The following PDLIM1 variants were observed in gnomAD, a reference collection of about 807,000 sequenced individuals.
PDLIM1 encodes PDZ and LIM domain protein 1.
A neutral mutation model predicts 35.2 loss-of-function variants in PDLIM1; 25 were observed. The observed-to-expected ratio is 0.71, with a 90% CI of 0.52 to 0.99. The LOEUF (loss-of-function observed/expected upper bound fraction) is 0.99, where lower values mean the gene tolerates loss of function less well. Ranked by LOEUF, PDLIM1 falls within the 50% of genes least tolerant of loss-of-function variation. PDLIM1 has a pLI of 0.00. For synonymous variants in PDLIM1, 152 were observed against 154.0 expected, an observed-to-expected ratio of 0.99 and a Z score of 0.10; for missense variants, 363 against 415.3, an observed-to-expected ratio of 0.87 and a Z score of 1.09.
intron 4 of PDLIM1, among the ~76,000 whole-genome samples, chr10:95,252,544 C>T (rs1269340114): frequency 1.3e-5 from 2 of 152,122 alleles, no homozygotes; most frequent in African/African-American, 2.4e-5. Flanking sequence ...AGATCTCAAA[C>T]TGTAAATAAG....
In PDLIM1 at chr10:95,253,929, G is replaced by A. The variant is rs1276712576; in HGVS notation, c.534-6563C>T. On this transcript the variant is annotated intron_variant, in intron 4 of 6. Transcript: ENST00000329399. ...TGAAATGATGACGCCAGTAAACTGT[G>A]ATAAGTTATATATACACAATGTAAT... Among the ~76,000 whole-genome samples, 3 of 152,136 alleles carry A rather than the reference G, an allele frequency of 2.0e-5. No homozygotes were observed. The East Asian group carries it at 5.8e-4, about 29-fold the overall frequency.
intron 1 of PDLIM1, among the ~76,000 whole-genome samples, chr10:95,280,981 A>G (rs2035556319): frequency 6.6e-6 from 1 of 152,216 alleles, no homozygotes; most frequent in Non-Finnish European, 1.5e-5. Flanking sequence ...CACCAAAGAC[A>G]GCCTATACAG....
chr10:95,266,339 C>T (rs2035417243), intron 3 of PDLIM1, among the ~76,000 whole-genome samples: 1 of 152,106 alleles, frequency 6.6e-6, no homozygotes. Context: ...GTCATGAAGA[C>T]AGAGATTTAC....
rs766083041 is a variant in PDLIM1, at chr10:95,264,075, G to A, written c.334-12C>T. On this transcript the variant is annotated splice_polypyrimidine_tract_variant and intron_variant, in intron 3 of 6. Coordinates refer to ENST00000329399, the MANE Select transcript of PDLIM1 (RefSeq NM_020992.4). ...ATGTGCAGGACCTCCTGCAGGCAGGGATCAGAGGAGAAATCAAGGGGGGCA... is the reference window on the plus strand; with the variant it reads ...ATGTGCAGGACCTCCTGCAGGCAGGAATCAGAGGAGAAATCAAGGGGGGCA... The A allele has an allele frequency of 1.9e-6, 3 of 1,610,274 alleles. No individual in the cohort carries two copies. Among genetic ancestry groups the A allele is most frequent in the South Asian group, 2.2e-5 (2 of 90,948 alleles).
chr10:95,283,134 C>T (rs534559602), intron 1 of PDLIM1, among the ~76,000 whole-genome samples: 215 of 152,306 alleles, frequency 1.4e-3, no homozygotes, highest in Non-Finnish European at 2.4e-3. Flanking sequence ...CATCAGGTTG[C>T]TGGAAGGCTT....
At chr10:95,259,110 G>A (rs58140424) in intron 4 of PDLIM1, among the ~76,000 whole-genome samples, 37,163 of 152,032 alleles carry the variant, frequency 0.24, 4,932 homozygotes, top group Non-Finnish European at 0.31. Flanking sequence ...AGATGGAAAT[G>A]TTCAGTATCT....
chr10:95,281,447 C>G (rs568858009), intron 1 of PDLIM1, among the ~76,000 whole-genome samples: 4 of 152,150 alleles, frequency 2.6e-5, no homozygotes, highest in Middle Eastern at 6.8e-3. Context: ...GCATGTAGTC[C>G]CAGCTACTCA....
chr10:95,282,857 T>C (rs564985057), intron 1 of PDLIM1, among the ~76,000 whole-genome samples: 74 of 152,204 alleles, frequency 4.9e-4, no homozygotes, highest in African/African-American at 1.7e-3. Flanking sequence ...GGTGGGAGGA[T>C]CACTTGAACC....
chr10:95,251,026 G>A (rs960881316), intron 4 of PDLIM1, among the ~76,000 whole-genome samples: 7 of 152,168 alleles, frequency 4.6e-5, no homozygotes, highest in African/African-American at 1.2e-4. Flanking sequence ...CCACCTCCCA[G>A]AGGAGGATTT....
intron 5 of PDLIM1, among the ~76,000 whole-genome samples, chr10:95,243,936 C>T (rs2035198421): frequency 1.3e-5 from 2 of 151,730 alleles, no homozygotes; most frequent in Admixed American, 6.6e-5. Flanking sequence ...GGGTGGTTAC[C>T]AGGAGCTGGA....
At position 95,253,206 on chromosome 10, in the gene PDLIM1, A is replaced by G. The variant is rs147887489; in HGVS notation, c.534-5840T>C. Among the ~76,000 whole-genome samples the G allele has an allele frequency of 4.8e-3, 731 of 152,284 alleles. 8 individuals are homozygous for G. The highest frequency in any genetic ancestry group is 0.015 in the African/African-American group (623 of 41,560). Reference sequence around the variant, plus strand: ...TCTTATCAGAATCCATAAAGAAAAGAAGGAAGTAGCACAATGCTTTCAGCT... The same window carrying G: ...TCTTATCAGAATCCATAAAGAAAAGGAGGAAGTAGCACAATGCTTTCAGCT... On this transcript the variant is annotated intron_variant, in intron 4 of 6. Coordinates refer to ENST00000329399, the MANE Select transcript of PDLIM1 (RefSeq NM_020992.4).
chr10:95,278,837 G>A (rs1213113228), intron 1 of PDLIM1, among the ~76,000 whole-genome samples: 1 of 152,168 alleles, frequency 6.6e-6, no homozygotes, highest in Non-Finnish European at 1.5e-5. Context: ...GACGCTCAAA[G>A]AAGCAAACCC....
chr10:95,276,650 G>C (rs933258748), intron 1 of PDLIM1, among the ~76,000 whole-genome samples: 2 of 152,022 alleles, frequency 1.3e-5, no homozygotes, highest in African/African-American at 2.4e-5. Flanking sequence ...CTTTAGCAAG[G>C]GTTAACTCAC....
Position 95,290,947 on chromosome 10 carries a change from G to C in PDLIM1, c.-32C>G, listed in dbSNP as rs2035648578. 2 of 1,421,446 alleles carry C rather than the reference G, an allele frequency of 1.4e-6. No individual in the cohort carries two copies. The highest frequency in any genetic ancestry group is 2.9e-5 in the African/African-American group (2 of 68,018). The allele number at this position is 1,421,446 out of a possible 1,614,324, so 88.1% of individuals were successfully genotyped here. A position where few individuals can be genotyped will look rare whatever the true frequency, so the allele number is the denominator to read the frequency against. ...GCTGTGGCGGGCGACGACCCGCGGG[G>C]ACAGACGGGCAGGACGCGCGGAACA... On this transcript the variant is annotated 5_prime_UTR_variant, in exon 1 of 7. Transcript: ENST00000329399. The surrounding 1 kb of genome is among the most constrained non-coding windows in gnomAD (Gnocchi z 4.7).
intron 1 of PDLIM1, among the ~76,000 whole-genome samples, chr10:95,273,740 G>A (rs1225045300): frequency 2.6e-5 from 4 of 152,116 alleles, no homozygotes; most frequent in Non-Finnish European, 5.9e-5. Context: ...ATCCAGGCAA[G>A]CACAGGCCGC....
intron 5 of PDLIM1, among the ~76,000 whole-genome samples, chr10:95,244,461 C>A (rs1301616762): frequency 6.6e-6 from 1 of 152,226 alleles, no homozygotes; most frequent in African/African-American, 2.4e-5. Flanking sequence ...GGAGGTGTCA[C>A]AGCAGGTCAG....
chr10:95,245,655 C>T (rs191575551), intron 5 of PDLIM1, among the ~76,000 whole-genome samples: 267 of 152,300 alleles, frequency 1.8e-3, no homozygotes, highest in Non-Finnish European at 2.5e-3. Context: ...GAACTTGATA[C>T]GAAGTATGGC....
chr10:95,250,301 A>G (rs1040802244), intron 4 of PDLIM1, among the ~76,000 whole-genome samples: 1 of 152,058 alleles, frequency 6.6e-6, no homozygotes, highest in African/African-American at 2.4e-5. Context: ...CCAGACCACA[A>G]GGCCATCACA....
intron 1 of PDLIM1, among the ~76,000 whole-genome samples, chr10:95,283,084 T>C (rs1039906874): frequency 6.0e-4 from 92 of 152,366 alleles, no homozygotes; most frequent in African/African-American, 2.1e-3. Context: ...TCTGACTCAG[T>C]ATCTTCATTT....
Sources: allele counts gnomAD v4.1 joint callset (sites outside exome capture counted in the v4.1 genomes callset), GRCh38; gene constraint gnomAD v4.1.1; non-coding constraint Gnocchi (gnomAD v3.1); transcripts MANE v1.5; gene names NCBI Gene and HGNC (gene_info 2026-07-23, HGNC 2026-07-21).